PADI1: variants seen among roughly 807,000 people sequenced by gnomAD.
PADI1 encodes peptidyl arginine deiminase 1.
PADI1 carries 65 observed loss-of-function variants against 74.8 expected under a neutral mutation model. The ratio of observed to expected loss-of-function variants is 0.87; its 90% CI spans 0.71 to 1.07. PADI1 has a LOEUF of 1.07. Ranked by LOEUF, PADI1 falls within the 50% of genes least tolerant of loss-of-function variation. The pLI, the probability that PADI1 is intolerant of heterozygous loss-of-function variation, is 0.00. For missense variants in PADI1, 943 were observed against 854.0 expected (o/e 1.10, Z -1.30); for synonymous variants, 371 against 336.2 (o/e 1.10, Z -1.13).
intron 1 of PADI1, among the ~76,000 whole-genome samples, chr1:17,207,669 G>T (rs969928582): frequency 6.6e-6 from 1 of 152,206 alleles, no homozygotes; most frequent in Admixed American, 6.5e-5. Context: ...GTCCTCAAAT[G>T]CAGGCCCTGG....
Position 17,232,973 on chromosome 1 carries a change from G to C in PADI1, c.1313+3G>C. The C allele has an allele frequency of 6.3e-7, 1 of 1,599,918 alleles. No individual in the cohort carries two copies. The highest frequency in any genetic ancestry group is 8.5e-7 in the Non-Finnish European group (1 of 1,174,882). On this transcript the variant is annotated splice_donor_region_variant and intron_variant, in intron 11 of 15. Transcript: ENST00000375471. The stretch of plus-strand genomic sequence containing the variant: ...CTCATCGGGAGCAGCTTCCCCAAGT[G>C]AGGGGCTGGGGCGGGAGGTGGGGAG...
chr1:17,213,696 G>A (rs1315144546), intron 1 of PADI1, among the ~76,000 whole-genome samples: 1 of 152,162 alleles, frequency 6.6e-6, no homozygotes, highest in East Asian at 1.9e-4. Context: ...CCTGGCACAC[G>A]GCAGGTGCTT....
chr1:17,227,246 A>G (rs898411401), intron 6 of PADI1, among the ~76,000 whole-genome samples: 7 of 149,340 alleles, frequency 4.7e-5, no homozygotes, highest in Non-Finnish European at 1.0e-4. Context: ...AAAAAAAAAA[A>G]AAAAGAAAAA....
At chr1:17,214,038 C>A (rs1261835533) in intron 1 of PADI1, among the ~76,000 whole-genome samples, 1 of 152,152 alleles carries the variant, frequency 6.6e-6, no homozygotes, top group Non-Finnish European at 1.5e-5. Flanking sequence ...GAACCAGGGC[C>A]ATGGGGGCAC....
intron 8 of PADI1, 120 bp downstream of exon 8, chr1:17,229,171 C>T: frequency 1.4e-6 from 1 of 701,846 alleles, no homozygotes; most frequent in Non-Finnish European, 2.4e-6. Flanking sequence ...CCCATTCAGG[C>T]AGAGCTGGTG....
intron 1 of PADI1, among the ~76,000 whole-genome samples, chr1:17,219,648 G>C (rs886993004): frequency 6.6e-6 from 1 of 152,110 alleles, no homozygotes; most frequent in African/African-American, 2.4e-5. Context: ...TGGCACCCTC[G>C]AGATGAGGAC....
At chr1:17,237,984 A>G (rs1431847192) in intron 12 of PADI1, among the ~76,000 whole-genome samples, 1 of 152,212 alleles carries the variant, frequency 6.6e-6, no homozygotes, top group Non-Finnish European at 1.5e-5. Flanking sequence ...CAGTGGTTAC[A>G]GCTCTGCTAG....
At chr1:17,237,031 G>A (rs1421682725) in intron 11 of PADI1, among the ~76,000 whole-genome samples, 8 of 152,216 alleles carry the variant, frequency 5.3e-5, no homozygotes, top group Admixed American at 5.2e-4. Context: ...CGCTTCAGAT[G>A]TAACTTGGAG....
Position 17,205,326 on chromosome 1 carries a change from G to C in PADI1, c.92+17G>C. Reference sequence around the variant, plus strand: ...CATTCACAGGTAAGAGCTGGGAGGCGCTCTCCTGGCTGCAGAGAGCTGGGT... The same window carrying C: ...CATTCACAGGTAAGAGCTGGGAGGCCCTCTCCTGGCTGCAGAGAGCTGGGT... On this transcript the variant is annotated intron_variant, in intron 1 of 15. Coordinates refer to ENST00000375471, the MANE Select transcript of PADI1 (RefSeq NM_013358.3). The C allele has an allele frequency of 6.3e-7, 1 of 1,594,432 alleles. No homozygotes were observed. The highest frequency in any genetic ancestry group is 1.1e-5 in the South Asian group (1 of 90,570).
chr1:17,207,402 C>G (rs1435150648), intron 1 of PADI1, among the ~76,000 whole-genome samples: 1 of 152,212 alleles, frequency 6.6e-6, no homozygotes, highest in Admixed American at 6.5e-5. Context: ...ACTTCCGAGC[C>G]TCAGTTTCCA....
At chr1:17,205,333 T>C (rs1479387692) in intron 1 of PADI1, 24 bp downstream of exon 1, 5 of 1,575,190 alleles carry the variant, frequency 3.2e-6, no homozygotes, top group Non-Finnish European at 4.4e-6. Context: ...GGCGCTCTCC[T>C]GGCTGCAGAG....
In PADI1 at chr1:17,244,538, C is replaced by A. The variant is rs967058017; in HGVS notation, c.*295C>A. The stretch of plus-strand genomic sequence containing the variant: ...ATGTTCCAGAATGGCTGTGGGAGGC[C>A]TAGGGAGATGGGCCCCACTTAGAAT... On this transcript the variant is annotated 3_prime_UTR_variant, in exon 16 of 16. Transcript: ENST00000375471. 2.4e-4 allele frequency: 119 copies of A among 499,652 alleles called. 1 individual carries two copies. Among genetic ancestry groups the A allele is most frequent in the Admixed American group, 8.1e-4 (35 of 42,994 alleles). The allele number at this position is 499,652 out of a possible 1,614,324, so 31.0% of individuals were successfully genotyped here.
At chr1:17,239,553 G>A (rs2072728255) in intron 13 of PADI1, 151 bp from the exon 14 acceptor site, 1 of 637,738 alleles carries the variant, frequency 1.6e-6, no homozygotes. Context: ...GGTCCCTTCA[G>A]GGGTTCTCAG....
At position 17,208,390 on chromosome 1, in the gene PADI1, G is replaced by A. The variant is rs571457326; in HGVS notation, c.92+3081G>A. On this transcript the variant is annotated intron_variant, in intron 1 of 15. Coordinates refer to ENST00000375471, the MANE Select transcript of PADI1 (RefSeq NM_013358.3). ...AGGTCCCATCCCCACACCCCAGTAGGCTAGCCCACCACCCTGTCCACCCCC... is the reference window on the plus strand; with the variant it reads ...AGGTCCCATCCCCACACCCCAGTAGACTAGCCCACCACCCTGTCCACCCCC... Among the ~76,000 whole-genome samples the A allele has an allele frequency of 5.9e-5, 9 of 152,216 alleles. No individual in the cohort carries two copies. In the East Asian group the frequency reaches 1.7e-3, roughly 29 times the overall value.
chr1:17,237,201 TA>T (rs2072664506), intron 11 of PADI1, 112 bp from the exon 12 acceptor site: 1 of 1,263,862 alleles, frequency 7.9e-7, no homozygotes. Flanking sequence ...GCCCCACGTT[TA>T]AAGCGTTCTT....
rs752786735 is a variant in PADI1 at position 17,228,659 on chromosome 1, G to T, written c.687G>T (p.Leu229=). ...CTCTCTCGGACTACAAACAGGTGCT[G>T]GGGCCCCAGTGTCTGTCCTATGAAG... ...GNSLSDYKQV[L]GPQCLSYEVE... is the part of the protein sequence containing the mutation. The change falls in exon 7 of 16, where the codon CTG becomes CTT. Residue 229 remains leucine, a synonymous_variant. Coordinates refer to ENST00000375471, the MANE Select transcript of PADI1 (RefSeq NM_013358.3). The T allele has an allele frequency of 1.2e-6, 2 of 1,614,166 alleles. No homozygotes were observed. The highest frequency in any genetic ancestry group is 1.7e-6 in the Non-Finnish European group (2 of 1,180,022).
intron 1 of PADI1, among the ~76,000 whole-genome samples, chr1:17,218,567 AAGAAG>A (rs1569773722): frequency 1.3e-5 from 2 of 152,166 alleles, no homozygotes; most frequent in African/African-American, 4.8e-5. Flanking sequence ...CAATGAGGGG[AAGAAG>A]AGAAAAGACC....
intron 12 of PADI1, 96 bp from the exon 13 acceptor site, chr1:17,238,520 C>CATT: frequency 3.8e-6 from 2 of 525,806 alleles, no homozygotes; most frequent in Non-Finnish European, 6.3e-6. Flanking sequence ...AGGGGAGTCC[C>CATT]AAGAACTGTC....
At chr1:17,235,448 C>T (rs896218646) in intron 11 of PADI1, among the ~76,000 whole-genome samples, 1 of 152,042 alleles carries the variant, frequency 6.6e-6, no homozygotes, top group Admixed American at 6.5e-5. Flanking sequence ...AGGGATGGAC[C>T]GGTAGGACCT....
Sources: allele counts gnomAD v4.1 joint callset (sites outside exome capture counted in the v4.1 genomes callset), GRCh38; gene constraint gnomAD v4.1.1; transcripts MANE v1.5; gene names NCBI Gene and HGNC (gene_info 2026-07-23, HGNC 2026-07-21).